BICC1: variants seen among roughly 807,000 people sequenced by gnomAD.
BICC1 encodes the protein protein bicaudal C homolog 1.
Under a neutral mutation model 111.0 loss-of-function variants are expected in BICC1, and 43 were observed. The observed-to-expected ratio is 0.39, with a 90% CI of 0.30 to 0.50. The LOEUF (loss-of-function observed/expected upper bound fraction) is 0.50, where lower values mean the gene tolerates loss of function less well. BICC1 is among the 20% of genes least tolerant of loss of function. BICC1 has a pLI of 0.88. For synonymous variants in BICC1, 467 were observed against 434.4 expected, an observed-to-expected ratio of 1.07 and a Z score of -0.93; for missense variants, 1,091 against 1,203.2, an observed-to-expected ratio of 0.91 and a Z score of 1.38.
At chr10:58,631,269 C>T (rs1296285644) in intron 2 of BICC1, among the ~76,000 whole-genome samples, 1 of 152,096 alleles carries the variant, frequency 6.6e-6, no homozygotes, top group East Asian at 1.9e-4. Flanking sequence ...CTTTGTTACT[C>T]TATGCCTCTC....
intron 1 of BICC1, among the ~76,000 whole-genome samples, chr10:58,594,615 C>T (rs1844750767): frequency 6.6e-6 from 1 of 152,096 alleles, no homozygotes; most frequent in African/African-American, 2.4e-5. Flanking sequence ...ATTTCATATC[C>T]AGCCAAACTA....
intron 1 of BICC1, among the ~76,000 whole-genome samples, chr10:58,583,456 A>T (rs1844337424): frequency 6.6e-6 from 1 of 152,118 alleles, no homozygotes; most frequent in African/African-American, 2.4e-5. Flanking sequence ...ATAAGTGAGA[A>T]CATAACGATG....
intron 2 of BICC1, among the ~76,000 whole-genome samples, chr10:58,658,084 A>G (rs1838718440): frequency 6.6e-6 from 1 of 152,180 alleles, no homozygotes; most frequent in Admixed American, 6.6e-5. Flanking sequence ...CGACACCACC[A>G]TTATCCCCTT....
At chr10:58,513,406 T>G in intron 1 of BICC1, 73 bp downstream of exon 1, 109 of 1,345,162 alleles carry the variant, frequency 8.1e-5, no homozygotes, top group Non-Finnish European at 9.8e-5. Flanking sequence ...CACCGCGCGC[T>G]CCGGCGCCCG....
intron 2 of BICC1, among the ~76,000 whole-genome samples, chr10:58,626,065 A>G (rs919992997): frequency 6.6e-6 from 1 of 152,230 alleles, no homozygotes; most frequent in African/African-American, 2.4e-5. Context: ...CTTTAATTTT[A>G]GTATTTATTT....
chr10:58,707,170 G>T (rs1589044525), intron 3 of BICC1, among the ~76,000 whole-genome samples: 1 of 152,252 alleles, frequency 6.6e-6, no homozygotes, highest in South Asian at 2.1e-4. Context: ...AGGTTTTATT[G>T]TTTTTGGTTA....
At chr10:58,576,429 A>G (rs977655011) in intron 1 of BICC1, among the ~76,000 whole-genome samples, 1 of 152,188 alleles carries the variant, frequency 6.6e-6, no homozygotes, top group African/African-American at 2.4e-5. Context: ...TAATTTCTGT[A>G]TCATTCTGTA....
intron 1 of BICC1, among the ~76,000 whole-genome samples, chr10:58,575,707 T>C (rs571672200): frequency 6.6e-5 from 10 of 152,104 alleles, no homozygotes; most frequent in Non-Finnish European, 1.0e-4. Flanking sequence ...TGTAAGTGTG[T>C]GCCACTGCTC....
intron 1 of BICC1, among the ~76,000 whole-genome samples, chr10:58,575,206 C>T (rs909267642): frequency 6.6e-5 from 10 of 151,912 alleles, no homozygotes; most frequent in Non-Finnish European, 1.0e-4. Flanking sequence ...CAACAGGCCC[C>T]GGTGTATGAT....
chr10:58,543,132 G>A (rs567022147), intron 1 of BICC1, among the ~76,000 whole-genome samples: 16 of 151,780 alleles, frequency 1.1e-4, no homozygotes, highest in African/African-American at 3.9e-4. Flanking sequence ...TTAATCAGCA[G>A]AGACAGGGAT....
At chr10:58,652,842 G>T (rs1033978645) in intron 2 of BICC1, among the ~76,000 whole-genome samples, 2 of 152,074 alleles carry the variant, frequency 1.3e-5, no homozygotes, top group Non-Finnish European at 2.9e-5. Flanking sequence ...GGTAAGCACT[G>T]CACCTAGCAC....
chr10:58,549,324 A>G (rs1049387142), intron 1 of BICC1, among the ~76,000 whole-genome samples: 1 of 152,184 alleles, frequency 6.6e-6, no homozygotes, highest in African/African-American at 2.4e-5. Context: ...TTGCTATATT[A>G]TATGATAGAG....
At chr10:58,668,402 G>T (rs548845288) in intron 2 of BICC1, among the ~76,000 whole-genome samples, 1 of 151,940 alleles carries the variant, frequency 6.6e-6, no homozygotes, top group East Asian at 1.9e-4. Context: ...TTTTTTTCCA[G>T]ATGAATTCAC....
chr10:58,604,379 A>C (rs1199940441), intron 1 of BICC1, among the ~76,000 whole-genome samples: 1 of 152,202 alleles, frequency 6.6e-6, no homozygotes, highest in East Asian at 1.9e-4. Context: ...TGAACAAAAA[A>C]AATTAAGCGG....
At chr10:58,632,818 C>T (rs12569553) in intron 2 of BICC1, among the ~76,000 whole-genome samples, 16,643 of 151,222 alleles carry the variant, frequency 0.11, 1,218 homozygotes, top group Non-Finnish European at 0.16. Flanking sequence ...CTCATATAGC[C>T]CAGAAAACAG....
At chr10:58,565,580 A>G (rs757648690) in intron 1 of BICC1, among the ~76,000 whole-genome samples, 2 of 152,212 alleles carry the variant, frequency 1.3e-5, no homozygotes, top group African/African-American at 4.8e-5. Context: ...CTGGGCGGAC[A>G]GTACTAAATA....
At chr10:58,583,590 G>C (rs3886297) in intron 1 of BICC1, among the ~76,000 whole-genome samples, 65,220 of 125,114 alleles carry the variant, frequency 0.52, 15,202 homozygotes, top group Admixed American at 0.66. Flanking sequence ...CTCTCTGTGT[G>C]TGTGTGTGTG....
intron 1 of BICC1, among the ~76,000 whole-genome samples, chr10:58,574,116 A>C (rs1844041140): frequency 6.6e-6 from 1 of 152,142 alleles, no homozygotes; most frequent in Non-Finnish European, 1.5e-5. Context: ...CAGCTGGAAT[A>C]ACCCACCACT....
rs71006209 is a variant in BICC1, at chr10:58,829,191, ATTTTTTTTTTT to A, written c.*321_*331del. 1,032 of 42,466 alleles carry A rather than the reference ATTTTTTTTTTT, an allele frequency of 0.024. 16 individuals are homozygous for A. Among genetic ancestry groups the A allele is most frequent in the Middle Eastern group, 0.12 (5 of 42 alleles). 2.6% of individuals were successfully genotyped at this position (42,466 alleles called of 1,614,324 possible). ...TACCTATATAACATATGCACTGATG[ATTTTTTTTTTT>A]TTTTTTTTTTTTTTTTTTTTACTTA... On this transcript the variant is annotated 3_prime_UTR_variant, in exon 21 of 21. Coordinates refer to ENST00000373886, the MANE Select transcript of BICC1 (RefSeq NM_001080512.3).
Sources: gnomAD v4.1 joint callset for allele counts (sites outside exome capture counted in the v4.1 genomes callset) on GRCh38, gnomAD v4.1.1 for gene constraint, MANE v1.5 for transcripts, NCBI Gene and HGNC (gene_info 2026-07-23, HGNC 2026-07-21) for gene names.